The following TRIM24 variants were observed in gnomAD, a reference collection of about 807,000 sequenced individuals.
The protein encoded by TRIM24 is transcription intermediary factor 1-alpha.
TRIM24 carries 29 observed loss-of-function variants against 123.9 expected under a neutral mutation model. The ratio of observed to expected loss-of-function variants is 0.23; its 90% confidence interval spans 0.17 to 0.32. The LOEUF (loss-of-function observed/expected upper bound fraction) is 0.32, where lower values mean the gene tolerates loss of function less well. Ranked by LOEUF, TRIM24 falls within the 10% of genes least tolerant of loss-of-function variation. The probability of loss-of-function intolerance (pLI) is 1.00; values close to 1 mark genes in which losing one functional copy is unlikely to be tolerated. For missense variants in TRIM24, 932 were observed against 1,295.3 expected (o/e 0.72, Z 4.31); for synonymous variants, 456 against 461.1 (o/e 0.99, Z 0.14).
chr7:138,583,621 A>C (rs1199165281), intron 17 of TRIM24, among the ~76,000 whole-genome samples: 1 of 152,236 alleles, frequency 6.6e-6, no homozygotes, highest in Non-Finnish European at 1.5e-5. Flanking sequence ...CCCTGTCTCA[A>C]AAATAATAAT....
chr7:138,497,372 G>A (rs918879622), intron 1 of TRIM24, among the ~76,000 whole-genome samples: 3 of 151,094 alleles, frequency 2.0e-5, no homozygotes, highest in African/African-American at 7.3e-5. Flanking sequence ...CTGGCCGATG[G>A]GAAGGTTTCA....
At chr7:138,486,191 AT>A (rs1463133507) in intron 1 of TRIM24, among the ~76,000 whole-genome samples, 3 of 151,594 alleles carry the variant, frequency 2.0e-5, no homozygotes, top group Non-Finnish European at 4.4e-5. Flanking sequence ...GGGTTGTTTG[AT>A]TTTTTTCTTG....
intron 18 of TRIM24, among the ~76,000 whole-genome samples, chr7:138,584,370 G>C (rs929119379): frequency 4.6e-5 from 7 of 152,144 alleles, no homozygotes; most frequent in Admixed American, 4.6e-4. Flanking sequence ...CTACACATCA[G>C]TCAGACTTAG....
At chr7:138,572,677 C>A (rs1238756830) in intron 11 of TRIM24, among the ~76,000 whole-genome samples, 2 of 152,098 alleles carry the variant, frequency 1.3e-5, no homozygotes, top group African/African-American at 4.8e-5. Flanking sequence ...GGCTGTAGGA[C>A]TTAATTATCT....
chr7:138,485,449 A>G (rs1795623626), intron 1 of TRIM24, among the ~76,000 whole-genome samples: 1 of 151,704 alleles, frequency 6.6e-6, no homozygotes, highest in Non-Finnish European at 1.5e-5. Context: ...GGTTTGCTGC[A>G]CCCATTAACT....
chr7:138,468,123 A>G (rs1190608457), intron 1 of TRIM24, among the ~76,000 whole-genome samples: 1 of 152,202 alleles, frequency 6.6e-6, no homozygotes, highest in Non-Finnish European at 1.5e-5. Flanking sequence ...CACCATTAAT[A>G]TGTTAGCTGT....
At chr7:138,547,489 G>C (rs1288569347) in intron 7 of TRIM24, among the ~76,000 whole-genome samples, 1 of 152,090 alleles carries the variant, frequency 6.6e-6, no homozygotes, top group Non-Finnish European at 1.5e-5. Context: ...GCTGTACACA[G>C]AAACATATTC....
chr7:138,572,430 G>A (rs1472140306), intron 11 of TRIM24, among the ~76,000 whole-genome samples: 4 of 127,678 alleles, frequency 3.1e-5, no homozygotes, highest in East Asian at 1.9e-4. Context: ...CACCTGGCCC[G>A]ATTTCCCTGC....
intron 1 of TRIM24, among the ~76,000 whole-genome samples, chr7:138,464,415 A>T (rs955626426): frequency 1.3e-5 from 2 of 151,960 alleles, no homozygotes; most frequent in Non-Finnish European, 2.9e-5. Flanking sequence ...CACAAAGGTT[A>T]AATAGGTAGT....
intron 7 of TRIM24, among the ~76,000 whole-genome samples, chr7:138,539,476 T>C (rs981937802): frequency 2.0e-5 from 3 of 152,194 alleles, no homozygotes; most frequent in African/African-American, 7.2e-5. Context: ...CTAACAAGCC[T>C]TCAGGTGACT....
At chr7:138,584,624 C>T in intron 18 of TRIM24, 118 bp from the exon 19 acceptor site, 1 of 794,680 alleles carries the variant, frequency 1.3e-6, no homozygotes, top group Non-Finnish European at 1.9e-6. Flanking sequence ...TTGTCTAGTC[C>T]TAAACTATTA....
intron 12 of TRIM24, among the ~76,000 whole-genome samples, chr7:138,576,067 TAG>T (rs1261177912): frequency 2.0e-5 from 3 of 152,070 alleles, no homozygotes; most frequent in South Asian, 4.1e-4. Flanking sequence ...CTGGGAAGTA[TAG>T]AGAGATGCCA....
intron 6 of TRIM24, among the ~76,000 whole-genome samples, chr7:138,535,432 C>T (rs1231390536): frequency 6.6e-6 from 1 of 152,080 alleles, no homozygotes; most frequent in East Asian, 1.9e-4. Flanking sequence ...ATCTCTCAGC[C>T]TTTGCTTGTC....
At chr7:138,515,449 T>C in intron 3 of TRIM24, 90 bp downstream of exon 3, 1 of 1,440,520 alleles carries the variant, frequency 6.9e-7, no homozygotes, top group Non-Finnish European at 9.5e-7. Context: ...ACATTTGTTT[T>C]GATAAGTATT....
At position 138,515,334 on chromosome 7, in the gene TRIM24, C is replaced by G; in HGVS notation, c.606C>G (p.Val202=). The change falls in exon 3 of 19, where the codon GTC becomes GTG. Residue 202 remains valine, a synonymous_variant. Transcript: ENST00000343526. ...QRVKFTKDHT[V]RQKEEVSPEA... ...TAAAGTTCACAAAAGACCACACTGT[C>G]AGACAGAAAGAGGAAGTATCTCCAG... is the stretch of plus-strand genomic sequence containing the variant. The G allele has an allele frequency of 6.2e-7, 1 of 1,614,058 alleles. No individual in the cohort carries two copies. The highest frequency in any genetic ancestry group is 1.1e-5 in the South Asian group (1 of 91,062).
In TRIM24 at chr7:138,584,054, T is replaced by A; in HGVS notation, c.2943+55T>A. The A allele has an allele frequency of 2.6e-6, 4 of 1,548,148 alleles. No individual in the cohort carries two copies. In the South Asian group the frequency reaches 5.1e-5, roughly 20 times the overall value. ...AGGAACAGCAGTGTGAAAATCATTT[T>A]ATTACTAAACACCTTGTCAACATAG... On this transcript the variant is annotated intron_variant, in intron 18 of 18. Coordinates refer to ENST00000343526, the MANE Select transcript of TRIM24 (RefSeq NM_015905.3).
rs1798065853 is a variant in TRIM24, at chr7:138,589,167, C to T, written c.*4216C>T. On this transcript the variant is annotated 3_prime_UTR_variant, in exon 19 of 19. Transcript: ENST00000343526. ...TTTTTATAAATGTTTATTGCATATT[C>T]ATCTTGAATGTGAATTTACTGTTGT... 1 of 152,022 alleles carries T rather than the reference C, an allele frequency of 6.6e-6. No individual in the cohort carries two copies. The allele number at this position is 152,022 out of a possible 1,614,324, so 9.4% of individuals were successfully genotyped here.
chr7:138,534,320 A>T (rs1226311900), intron 6 of TRIM24, among the ~76,000 whole-genome samples: 1 of 152,112 alleles, frequency 6.6e-6, no homozygotes, highest in Non-Finnish European at 1.5e-5. Context: ...TGTCAATTTT[A>T]GATCTTTCCT....
intron 7 of TRIM24, among the ~76,000 whole-genome samples, chr7:138,541,031 G>A (rs1316548249): frequency 6.6e-6 from 1 of 152,124 alleles, no homozygotes; most frequent in Admixed American, 6.5e-5. Flanking sequence ...AAGAGATGGG[G>A]TTTCCCTATG....
Sources: gnomAD v4.1 joint callset for allele counts (sites outside exome capture counted in the v4.1 genomes callset) on GRCh38, gnomAD v4.1.1 for gene constraint, MANE v1.5 for transcripts, NCBI Gene and HGNC (gene_info 2026-07-23, HGNC 2026-07-21) for gene names.